Variants in RASAL1 observed in about 807,000 individuals in gnomAD.
RASAL1 encodes RAS protein activator like 1.
A neutral mutation model predicts 96.6 loss-of-function variants in RASAL1; 72 were observed. The observed-to-expected ratio is 0.75, with a 90% CI of 0.62 to 0.91. RASAL1 has a LOEUF of 0.91. Among genes scored for constraint, RASAL1 ranks in the 40% least tolerant of loss-of-function variants. The pLI is 0.00. For synonymous variants in RASAL1, 405 were observed against 430.4 expected (o/e 0.94, Z 0.73); for missense variants, 1,016 against 1,072.5 (o/e 0.95, Z 0.74).
chr12:113,134,345 ACCTTGGGGAAT>A (rs1951833991), intron 1 of RASAL1, among the ~76,000 whole-genome samples: 1 of 152,146 alleles, frequency 6.6e-6, no homozygotes, highest in Non-Finnish European at 1.5e-5. Flanking sequence ...GGGAGCCCAC[ACCTTGGGGAAT>A]CAGCACAGAG....
intron 1 of RASAL1, among the ~76,000 whole-genome samples, chr12:113,131,559 A>C (rs1386201541): frequency 6.6e-6 from 1 of 152,180 alleles, no homozygotes; most frequent in Admixed American, 6.5e-5. Flanking sequence ...CCCTACAGGC[A>C]AAGACCAGGG....
chr12:113,132,345 G>A (rs933677912), intron 1 of RASAL1, among the ~76,000 whole-genome samples: 1 of 152,056 alleles, frequency 6.6e-6, no homozygotes, highest in East Asian at 1.9e-4. Flanking sequence ...ACTCCCTGGG[G>A]AGAGTCTGTG....
Position 113,119,118 on chromosome 12 carries a change from T to C in RASAL1, c.642+10A>G. ...GAGCCATGGAGGGTATTGTAGGGAA[T>C]GAGGCTCACCATGCCCAAGAAGTCA... On this transcript the variant is annotated intron_variant, in intron 7 of 20. Transcript: ENST00000548055. The C allele has an allele frequency of 1.3e-6, 2 of 1,597,570 alleles. No homozygotes were observed. The highest frequency in any genetic ancestry group is 4.5e-5 in the East Asian group (2 of 44,640).
chr12:113,100,841 A>G (rs970676536), intron 19 of RASAL1, among the ~76,000 whole-genome samples, 161 bp from the exon 20 acceptor site: 1 of 152,228 alleles, frequency 6.6e-6, no homozygotes, highest in Non-Finnish European at 1.5e-5. Context: ...AGAGTGCCAG[A>G]TACTATTCTA....
In RASAL1 at chr12:113,119,440, G is replaced by A; in HGVS notation, c.432C>T (p.Asp144=). 2 of 1,603,500 alleles carry A rather than the reference G, an allele frequency of 1.2e-6. No homozygotes were observed. The highest frequency in any genetic ancestry group is 1.3e-5 in the African/African-American group (1 of 74,788). Residue 144 remains aspartate, a synonymous_variant, in exon 6 of 21, where the codon GAC becomes GAT. Transcript: ENST00000548055. ...CLRCHVLQAR[D]LAPRDISGTS... The stretch of plus-strand genomic sequence containing the variant: ...TGCCAGAGATGTCTCTGGGAGCCAG[G>A]TCCCTGGGAACAGATGGGGAAAGGA...
At chr12:113,103,605 C>CA (rs35312852) in intron 18 of RASAL1, among the ~76,000 whole-genome samples, 7,597 of 134,342 alleles carry the variant, frequency 0.057, 299 homozygotes, top group African/African-American at 0.12. Context: ...GACTCTGTCT[C>CA]AAAAAAAAAA....
intron 1 of RASAL1, among the ~76,000 whole-genome samples, chr12:113,131,817 A>G (rs1177343937): frequency 2.0e-5 from 3 of 152,052 alleles, no homozygotes; most frequent in Non-Finnish European, 4.4e-5. Flanking sequence ...TTTGCCTAAG[A>G]CACTTTAGCC....
At chr12:113,134,830 C>A (rs1352959010) in intron 1 of RASAL1, among the ~76,000 whole-genome samples, 1 of 152,110 alleles carries the variant, frequency 6.6e-6, no homozygotes, top group Non-Finnish European at 1.5e-5. Flanking sequence ...GGGGAAGGCC[C>A]ACACGAGGCT....
At chr12:113,114,642 T>G (rs879214681) in intron 12 of RASAL1, among the ~76,000 whole-genome samples, 158 bp downstream of exon 12, 9 of 152,046 alleles carry the variant, frequency 5.9e-5, no homozygotes, top group African/African-American at 2.2e-4. Context: ...GCCTGATGGT[T>G]TAAGGGCTTG....
intron 2 of RASAL1, 25 bp from the exon 3 acceptor site, chr12:113,128,203 G>T: frequency 6.5e-7 from 1 of 1,526,948 alleles, no homozygotes; most frequent in Non-Finnish European, 9.1e-7. Flanking sequence ...GCAGGGGGCT[G>T]GGGTCCTCGG....
At chr12:113,124,364 ATC>A (rs1168161611) in intron 4 of RASAL1, among the ~76,000 whole-genome samples, 1 of 152,190 alleles carries the variant, frequency 6.6e-6, no homozygotes, top group Non-Finnish European at 1.5e-5. Context: ...CTCATCTCAC[ATC>A]TCTCTATCTC....
At chr12:113,133,548 A>G (rs779109331) in intron 1 of RASAL1, among the ~76,000 whole-genome samples, 1 of 152,096 alleles carries the variant, frequency 6.6e-6, no homozygotes, top group Non-Finnish European at 1.5e-5. Flanking sequence ...CTCTAAAATT[A>G]CCTGAAGAGG....
chr12:113,107,248 C>A lies in RASAL1; in HGVS notation c.1513-7G>T, dbSNP rs1375615284. 1 of 1,587,864 alleles carries A rather than the reference C, an allele frequency of 6.3e-7. No homozygotes were observed. The highest frequency in any genetic ancestry group is 1.1e-5 in the South Asian group (1 of 87,074). On this transcript the variant is annotated splice_region_variant and splice_polypyrimidine_tract_variant and intron_variant, in intron 14 of 20. Coordinates refer to ENST00000548055, the MANE Select transcript of RASAL1 (RefSeq NM_001301202.2). ...TTCCAATGCTCTGCACAGCCTGGAGCAAAGAAGCGAGGGATGCCGGGGCCA... is the reference window on the plus strand; with the variant it reads ...TTCCAATGCTCTGCACAGCCTGGAGAAAAGAAGCGAGGGATGCCGGGGCCA...
rs1463911085 is a variant in RASAL1, at chr12:113,129,503, A to G, written c.123-1325T>C. On this transcript the variant is annotated intron_variant, in intron 2 of 20. Transcript: ENST00000548055. This position sits in a 1 kb window ranked among gnomAD's most constrained non-coding sequence, Gnocchi z 5.0. ...GGAAGGCACAGGAAGGATGGGGACC[A>G]AGATAAGCCCAGAAACAGGTGCACA... 6.6e-6 allele frequency among the ~76,000 whole-genome samples: 1 copy of G among 152,120 alleles called. No homozygotes were observed. The highest frequency in any genetic ancestry group is 1.9e-4 in the East Asian group (1 of 5,186).
intron 11 of RASAL1, 57 bp from the exon 12 acceptor site, chr12:113,114,969 A>C (rs1327201411): frequency 7.2e-7 from 1 of 1,391,582 alleles, no homozygotes; most frequent in African/African-American, 1.4e-5. Flanking sequence ...GGGCATGCCC[A>C]TGAGCTGGGC....
intron 2 of RASAL1, 121 bp from the exon 3 acceptor site, chr12:113,128,299 C>T (rs182527546): frequency 4.5e-6 from 3 of 664,292 alleles, no homozygotes; most frequent in Admixed American, 2.4e-5. Context: ...CAGACACACA[C>T]ACACTCAGAG....
At chr12:113,111,098 T>C (rs78352563) in intron 13 of RASAL1, among the ~76,000 whole-genome samples, 18,482 of 152,160 alleles carry the variant, frequency 0.12, 1,221 homozygotes, top group Middle Eastern at 0.2. Context: ...CACGCGCTGC[T>C]TGCTTTGTTC....
chr12:113,101,659 C>T (rs1251947269), intron 19 of RASAL1, among the ~76,000 whole-genome samples: 1 of 121,440 alleles, frequency 8.2e-6, no homozygotes, highest in East Asian at 1.9e-4. Context: ...CTCTGGAGCT[C>T]CAGGTATTAA....
chr12:113,123,548 CT>C (rs33962607), intron 4 of RASAL1, among the ~76,000 whole-genome samples: 120,852 of 152,102 alleles, frequency 0.79, 48,097 homozygotes, highest in Admixed American at 0.84. Flanking sequence ...GGTCTCCTTG[CT>C]TTTTGTTTAC....
Sources: gnomAD v4.1 joint callset for allele counts (sites outside exome capture counted in the v4.1 genomes callset) on GRCh38, gnomAD v4.1.1 for gene constraint, Gnocchi (gnomAD v3.1) non-coding constraint, MANE v1.5 for transcripts, NCBI Gene and HGNC (gene_info 2026-07-23, HGNC 2026-07-21) for gene names.